KCNC2: variants seen among roughly 807,000 people sequenced by gnomAD.
KCNC2 encodes the protein potassium voltage-gated channel subfamily C member 2.
Under a neutral mutation model 44.5 loss-of-function variants are expected in KCNC2, and 21 were observed. That is an observed-to-expected ratio of 0.47 (90% CI 0.33 to 0.68). The LOEUF is 0.68. KCNC2 is among the 30% of genes least tolerant of loss of function. KCNC2 has a pLI of 0.01. For synonymous variants in KCNC2, 391 were observed against 339.1 expected, an observed-to-expected ratio of 1.15 and a Z score of -1.68; for missense variants, 589 against 826.2, an observed-to-expected ratio of 0.71 and a Z score of 3.52.
chr12:75,053,147 C>A (rs1332205659), intron 2 of KCNC2, among the ~76,000 whole-genome samples: 1 of 152,100 alleles, frequency 6.6e-6, no homozygotes, highest in Non-Finnish European at 1.5e-5. Context: ...ATCCTCTATT[C>A]ATAAATTACT....
chr12:75,084,269 T>TGA (rs1555207730), intron 2 of KCNC2, among the ~76,000 whole-genome samples: 1 of 120,862 alleles, frequency 8.3e-6, no homozygotes, highest in Non-Finnish European at 1.7e-5. Context: ...GATAGATAGA[T>TGA]TAGATAGATA....
chr12:75,065,343 T>C (rs1241991007), intron 2 of KCNC2, among the ~76,000 whole-genome samples: 14 of 152,052 alleles, frequency 9.2e-5, no homozygotes, highest in Non-Finnish European at 2.1e-4. Context: ...TTTGGTGTAT[T>C]GGTATGCCTC....
chr12:75,071,060 G>A (rs207473106), intron 2 of KCNC2, among the ~76,000 whole-genome samples: 1 of 151,816 alleles, frequency 6.6e-6, no homozygotes, highest in Non-Finnish European at 1.5e-5. Context: ...ATATTTTGCA[G>A]GATTGGCGTT....
In KCNC2 at chr12:75,040,888, A is replaced by T; in HGVS notation, c.*2217T>A. The T allele has an allele frequency of 1.9e-6, 1 of 530,794 alleles. No homozygotes were observed. The highest frequency in any genetic ancestry group is 3.4e-6 in the Non-Finnish European group (1 of 295,180). The allele number at this position is 530,794 out of a possible 1,614,324, so 32.9% of individuals were successfully genotyped here. ...ACTTGAAACTTCAGAGATGTTGATCATGAATTTGGCTTCTTTTGATGAGAA... is the reference window on the plus strand; with the variant it reads ...ACTTGAAACTTCAGAGATGTTGATCTTGAATTTGGCTTCTTTTGATGAGAA... On this transcript the variant is annotated 3_prime_UTR_variant, in exon 5 of 5. Coordinates refer to ENST00000549446, the MANE Select transcript of KCNC2 (RefSeq NM_139137.4).
At chr12:75,158,628 A>C (rs1473278817) in intron 2 of KCNC2, among the ~76,000 whole-genome samples, 2 of 151,876 alleles carry the variant, frequency 1.3e-5, no homozygotes, top group Non-Finnish European at 2.9e-5. Flanking sequence ...AAAGCACTGG[A>C]AACAGGGTCT....
At position 75,085,145 on chromosome 12, in the gene KCNC2, C is replaced by G. The variant is rs1311563195; in HGVS notation, c.688-33828G>C. Among the ~76,000 whole-genome samples, 6 of 151,926 alleles carry G rather than the reference C, an allele frequency of 3.9e-5. No individual in the cohort carries two copies. In the East Asian group the frequency reaches 1.2e-3, roughly 29 times the overall value. Reference sequence around the variant, plus strand: ...ACTTGTTAGGCTTTATGCAGTAGCCCTTGAGCTGCTTGTTACCAAGAGGTT... The same window carrying G: ...ACTTGTTAGGCTTTATGCAGTAGCCGTTGAGCTGCTTGTTACCAAGAGGTT... On this transcript the variant is annotated intron_variant, in intron 2 of 4. Transcript: ENST00000549446.
intron 2 of KCNC2, among the ~76,000 whole-genome samples, chr12:75,178,664 A>C (rs1892357368): frequency 6.6e-6 from 1 of 152,176 alleles, no homozygotes; most frequent in Admixed American, 6.5e-5. Context: ...CAATAACAAA[A>C]GTACACCCCC....
intron 2 of KCNC2, among the ~76,000 whole-genome samples, chr12:75,128,117 T>A (rs1888566744): frequency 6.6e-6 from 1 of 152,154 alleles, no homozygotes; most frequent in African/African-American, 2.4e-5. Context: ...TGGAAATCTA[T>A]TATATTCACT....
At chr12:75,079,236 T>A (rs924043592) in intron 2 of KCNC2, among the ~76,000 whole-genome samples, 1 of 152,062 alleles carries the variant, frequency 6.6e-6, no homozygotes, top group Admixed American at 6.6e-5. Context: ...TTGTTAAGCA[T>A]GAAGAAAGAG....
chr12:75,204,330 G>A (rs1007649654), intron 2 of KCNC2, among the ~76,000 whole-genome samples: 1 of 151,952 alleles, frequency 6.6e-6, no homozygotes, highest in Non-Finnish European at 1.5e-5. Flanking sequence ...CAAAAATGCA[G>A]GGTTGCAAAA....
In KCNC2 at chr12:75,072,355, A is replaced by G. The variant is rs143746937; in HGVS notation, c.688-21038T>C. On this transcript the variant is annotated intron_variant, in intron 2 of 4. Transcript: ENST00000549446. Reference sequence around the variant, plus strand: ...CTAATCTCTGGTAAGTAAATCTAATACAGGTTATTCAAACTGTTAGTTAAG... The same window carrying G: ...CTAATCTCTGGTAAGTAAATCTAATGCAGGTTATTCAAACTGTTAGTTAAG... Among the ~76,000 whole-genome samples the G allele has an allele frequency of 1.8e-3, 275 of 152,304 alleles. 1 individual carries two copies. Among genetic ancestry groups the G allele is most frequent in the African/African-American group, 5.8e-3 (241 of 41,564 alleles).
chr12:75,094,950 G>A (rs989465967), intron 2 of KCNC2, among the ~76,000 whole-genome samples: 3 of 151,744 alleles, frequency 2.0e-5, no homozygotes, highest in African/African-American at 7.2e-5. Context: ...AGAACACCTA[G>A]ATCTTTTTAA....
At chr12:75,162,218 TGTA>T (rs997696175) in intron 2 of KCNC2, among the ~76,000 whole-genome samples, 1 of 151,774 alleles carries the variant, frequency 6.6e-6, no homozygotes, top group Non-Finnish European at 1.5e-5. Flanking sequence ...TAAATTGAAA[TGTA>T]GTATAAACAT....
At chr12:75,093,212 A>T (rs1206104947) in intron 2 of KCNC2, among the ~76,000 whole-genome samples, 1 of 151,672 alleles carries the variant, frequency 6.6e-6, no homozygotes, top group Non-Finnish European at 1.5e-5. Context: ...GAATGGCAAC[A>T]ATTCATAAAG....
intron 2 of KCNC2, among the ~76,000 whole-genome samples, chr12:75,122,611 G>A (rs980507941): frequency 6.6e-6 from 1 of 152,094 alleles, no homozygotes. Context: ...CAAAGCATAT[G>A]AAAATCTATT....
At chr12:75,194,481 A>G (rs1298783167) in intron 2 of KCNC2, among the ~76,000 whole-genome samples, 1 of 152,188 alleles carries the variant, frequency 6.6e-6, no homozygotes, top group Non-Finnish European at 1.5e-5. Flanking sequence ...AAACTGTAAG[A>G]CGATAGGTGT....
chr12:75,080,478 A>G (rs916312171), intron 2 of KCNC2, among the ~76,000 whole-genome samples: 4 of 152,170 alleles, frequency 2.6e-5, no homozygotes, highest in Non-Finnish European at 4.4e-5. Flanking sequence ...AGCCATGCAT[A>G]AAGGGAACAT....
At chr12:75,047,523 A>G (rs905177854) in intron 4 of KCNC2, among the ~76,000 whole-genome samples, 14 of 152,078 alleles carry the variant, frequency 9.2e-5, no homozygotes, top group South Asian at 8.3e-4. Flanking sequence ...TAATAAAAGG[A>G]TTTTTTATTA....
intron 2 of KCNC2, among the ~76,000 whole-genome samples, chr12:75,059,072 T>C (rs1882042543): frequency 2.0e-5 from 3 of 152,050 alleles, no homozygotes; most frequent in Non-Finnish European, 2.9e-5. Flanking sequence ...CTTTTACAAG[T>C]ACTTGCAAAC....
Sources: gnomAD v4.1 joint callset for allele counts (sites outside exome capture counted in the v4.1 genomes callset) on GRCh38, gnomAD v4.1.1 for gene constraint, MANE v1.5 for transcripts, NCBI Gene and HGNC (gene_info 2026-07-23, HGNC 2026-07-21) for gene names.